ADGRL2: variants seen among roughly 807,000 people sequenced by gnomAD.
The protein encoded by ADGRL2 is adhesion G protein-coupled receptor L2, also known as calcium-independent alpha-latrotoxin receptor 2.
Under a neutral mutation model 157.4 loss-of-function variants are expected in ADGRL2, and 44 were observed. The observed-to-expected ratio is 0.28, with a 90% CI of 0.22 to 0.36. The LOEUF is 0.36. Among genes scored for constraint, ADGRL2 ranks in the 10% least tolerant of loss-of-function variants. ADGRL2 has a pLI of 1.00. For missense variants in ADGRL2, 1,510 were observed against 1,768.9 expected (o/e 0.85, Z 2.63); for synonymous variants, 585 against 624.7 (o/e 0.94, Z 0.95).
intron 3 of ADGRL2, among the ~76,000 whole-genome samples, chr1:81,582,343 T>C (rs116211166): frequency 0.028 from 4,255 of 152,258 alleles, 93 homozygotes; most frequent in Non-Finnish European, 0.041. Flanking sequence ...TGGTTGCCGA[T>C]TGATCAAAAT....
chr1:81,490,218 A>T (rs990115447), intron 2 of ADGRL2, among the ~76,000 whole-genome samples: 1 of 146,334 alleles, frequency 6.8e-6, no homozygotes, highest in Admixed American at 7.0e-5. Context: ...TGCAACCTCC[A>T]CCTCCTTGGT....
intron 2 of ADGRL2, among the ~76,000 whole-genome samples, chr1:81,553,802 C>T (rs188814916): frequency 4.6e-5 from 7 of 152,270 alleles, no homozygotes; most frequent in African/African-American, 1.7e-4. Flanking sequence ...CAGTAACTTG[C>T]TCATAATGGA....
At chr1:81,754,844 G>T (rs2085629805) in intron 1 of ADGRL2, among the ~76,000 whole-genome samples, 1 of 151,524 alleles carries the variant, frequency 6.6e-6, no homozygotes. Flanking sequence ...ATAAAATGGA[G>T]GTAATAATAA....
intron 2 of ADGRL2, among the ~76,000 whole-genome samples, chr1:81,875,459 CATT>C (rs1557824989): frequency 6.6e-6 from 1 of 152,062 alleles, no homozygotes; most frequent in Non-Finnish European, 1.5e-5. Context: ...GTGACAGAAA[CATT>C]ATGAGTATGT....
At chr1:81,660,095 A>G (rs2082621655) in intron 3 of ADGRL2, among the ~76,000 whole-genome samples, 1 of 152,148 alleles carries the variant, frequency 6.6e-6, no homozygotes, top group East Asian at 1.9e-4. Context: ...AGGTTTCAGT[A>G]ATGAACTGGG....
chr1:81,424,371 T>C (rs1236315824), intron 1 of ADGRL2, among the ~76,000 whole-genome samples: 1 of 152,216 alleles, frequency 6.6e-6, no homozygotes, highest in Non-Finnish European at 1.5e-5. Flanking sequence ...AATTGCACCA[T>C]AATGATTTTC....
At chr1:81,560,054 T>C (rs2080405134) in intron 2 of ADGRL2, among the ~76,000 whole-genome samples, 1 of 152,178 alleles carries the variant, frequency 6.6e-6, no homozygotes, top group Admixed American at 6.5e-5. Flanking sequence ...AGAGATACCT[T>C]TTTTTAATCC....
rs149927987 is a variant in ADGRL2 at position 81,430,223 on chromosome 1, G to A, written c.-301-14813G>A. 2.3e-3 allele frequency among the ~76,000 whole-genome samples: 344 copies of A among 152,254 alleles called. 1 individual carries two copies. The highest frequency in any genetic ancestry group is 7.9e-3 in the African/African-American group (328 of 41,544). ...CTTTATATTGTAATGGGGGAAATAG[G>A]CAAAAGCAAAGAAATGATAGATGGC... is the stretch of plus-strand genomic sequence containing the variant. On this transcript the variant is annotated intron_variant, in intron 1 of 24. Coordinates refer to the ADGRL2 transcript ENST00000370721.
chr1:81,679,841 T>C (rs2083072247), intron 3 of ADGRL2, among the ~76,000 whole-genome samples: 1 of 152,210 alleles, frequency 6.6e-6, no homozygotes, highest in Non-Finnish European at 1.5e-5. Context: ...TAATTTGTTT[T>C]AGCAGTCACT....
At chr1:81,696,479 G>C (rs115022330), upstream of ADGRL2, among the ~76,000 whole-genome samples, 2,687 of 152,212 alleles carry the variant, frequency 0.018, 33 homozygotes, top group South Asian at 0.054. Flanking sequence ...TTGGCCAGGC[G>C]CGGTGGCTCA....
At chr1:81,512,962 T>G (rs1272467999) in intron 2 of ADGRL2, among the ~76,000 whole-genome samples, 3 of 152,148 alleles carry the variant, frequency 2.0e-5, no homozygotes, top group African/African-American at 4.8e-5. Flanking sequence ...AGCAAATATC[T>G]TTCAAGCCAA....
intron 1 of ADGRL2, among the ~76,000 whole-genome samples, chr1:81,442,722 G>A (rs2077530538): frequency 6.6e-6 from 1 of 152,158 alleles, no homozygotes; most frequent in Non-Finnish European, 1.5e-5. Context: ...TTTTGATGCT[G>A]ATTTGCCAAG....
At chr1:81,616,689 T>A (rs376241152) in intron 3 of ADGRL2, among the ~76,000 whole-genome samples, 2 of 110,606 alleles carry the variant, frequency 1.8e-5, no homozygotes, top group East Asian at 5.1e-4. Flanking sequence ...CTTTTTTTTT[T>A]TTTTTGAGAC....
chr1:81,453,844 CACTT>C (rs764326742), intron 2 of ADGRL2, among the ~76,000 whole-genome samples: 32 of 152,122 alleles, frequency 2.1e-4, no homozygotes, highest in African/African-American at 7.7e-4. Context: ...GTTCTCATGT[CACTT>C]ACAATTGTGT....
chr1:81,531,215 A>G (rs1457602137), intron 2 of ADGRL2, among the ~76,000 whole-genome samples: 1 of 152,210 alleles, frequency 6.6e-6, no homozygotes, highest in Non-Finnish European at 1.5e-5. Context: ...ATTTGAGGAG[A>G]GAAGGACTCT....
At chr1:81,344,285 G>C (rs773000730) in intron 1 of ADGRL2, among the ~76,000 whole-genome samples, 1 of 152,258 alleles carries the variant, frequency 6.6e-6, no homozygotes, top group South Asian at 2.1e-4. Flanking sequence ...CATGCTGTGA[G>C]TATTTATAAA....
intron 4 of ADGRL2, among the ~76,000 whole-genome samples, chr1:81,938,449 A>C: frequency 6.6e-6 from 1 of 151,740 alleles, no homozygotes; most frequent in South Asian, 2.1e-4. Context: ...AAGAAAGGAA[A>C]ATGTGGATAT....
chr1:81,939,545 A>T (rs1271368512), intron 4 of ADGRL2, among the ~76,000 whole-genome samples: 2 of 151,568 alleles, frequency 1.3e-5, no homozygotes, highest in Non-Finnish European at 3.0e-5. Context: ...TTATTCAATG[A>T]AATAGTGTGT....
intron 1 of ADGRL2, among the ~76,000 whole-genome samples, chr1:81,413,017 CT>C (rs2076973740): frequency 6.6e-6 from 1 of 152,090 alleles, no homozygotes; most frequent in African/African-American, 2.4e-5. Flanking sequence ...GTTTTCTCTA[CT>C]TTTTTGTTAT....
Sources: allele counts gnomAD v4.1 joint callset (sites outside exome capture counted in the v4.1 genomes callset), GRCh38; gene constraint gnomAD v4.1.1; transcripts MANE v1.5; gene names NCBI Gene and HGNC (gene_info 2026-07-23, HGNC 2026-07-21).